SLC35H1: variants seen among roughly 807,000 people sequenced by gnomAD.
The protein encoded by SLC35H1 is solute carrier family 35 member H1, also known as ovarian cancer-overexpressed gene 1 protein.
chr20:46,350,091 GAGTC>G, the SLC35H1 span: 1 of 238,888 alleles, frequency 4.2e-6, no homozygotes, highest in African/African-American at 2.2e-5. Context: ...CCTTGGAAAT[GAGTC>G]TCGGCTGTCA....
chr20:46,355,940 A>G, the SLC35H1 span: 1 of 1,602,330 alleles, frequency 6.2e-7, no homozygotes, highest in South Asian at 1.1e-5. This position sits in a 1 kb window ranked among gnomAD's most constrained non-coding sequence, Gnocchi z 4.8. Flanking sequence ...CCGAGAAAGG[A>G]GCAGGAGCAC....
the SLC35H1 span, chr20:46,352,723 G>A: frequency 6.4e-6 from 1 of 157,192 alleles, no homozygotes; most frequent in East Asian, 1.9e-4. Flanking sequence ...ATCCTAGCGG[G>A]ATGAAGGAGA....
chr20:46,352,109 T>A, the SLC35H1 span: 1 of 1,614,104 alleles, frequency 6.2e-7, no homozygotes, highest in South Asian at 1.1e-5. Flanking sequence ...CAGGAGGAAC[T>A]CAGAGAAGCC....
chr20:46,352,176 G>A, the SLC35H1 span: 1 of 1,614,096 alleles, frequency 6.2e-7, no homozygotes, highest in Admixed American at 1.7e-5. Flanking sequence ...CGCAGGAGCA[G>A]CCCTGTGTCC....
chr20:46,346,177 A>G, the SLC35H1 span: 4 of 151,830 alleles, frequency 2.6e-5, no homozygotes, highest in African/African-American at 9.6e-5. Flanking sequence ...CGGCCCCACC[A>G]GCAGGATGGT....
chr20:46,351,975 G>C, the SLC35H1 span: 1 of 1,473,944 alleles, frequency 6.8e-7, no homozygotes, highest in Non-Finnish European at 9.3e-7. Flanking sequence ...GCAGGAGCTG[G>C]GACTGAAGCT....
the SLC35H1 span, chr20:46,357,867 G>C: frequency 8.5e-5 from 122 of 1,427,614 alleles, no homozygotes; most frequent in African/African-American, 1.7e-3. Flanking sequence ...CTGGAGTGGG[G>C]CTCATTCGGT....
At chr20:46,351,824 T>C in the SLC35H1 span, among the ~76,000 whole-genome samples, 1 of 152,192 alleles carries the variant, frequency 6.6e-6, no homozygotes, top group Non-Finnish European at 1.5e-5. Flanking sequence ...TCTCCATCTG[T>C]GTCCCTGTCT....
the SLC35H1 span, chr20:46,354,915 G>A: frequency 6.2e-7 from 1 of 1,612,956 alleles, no homozygotes; most frequent in Non-Finnish European, 8.5e-7. Flanking sequence ...AAGAGCCCCA[G>A]GAACATGAGT....
At chr20:46,364,092 G>C in the SLC35H1 span, 2 of 152,326 alleles carry the variant, frequency 1.3e-5, no homozygotes, top group East Asian at 3.8e-4. Flanking sequence ...TCAGAGGGCA[G>C]GGCCGTGTCC....
chr20:46,357,757 AG>A, the SLC35H1 span: 1 of 1,614,030 alleles, frequency 6.2e-7, no homozygotes, highest in Non-Finnish European at 8.5e-7. Flanking sequence ...CGTCATGAAG[AG>A]GGGGAAATGG....
chr20:46,360,647 C>A, the SLC35H1 span, among the ~76,000 whole-genome samples: 2 of 152,064 alleles, frequency 1.3e-5, no homozygotes, highest in Non-Finnish European at 1.5e-5. Flanking sequence ...CAGGTTCAAG[C>A]GATTCTCCTG....
At chr20:46,361,529 ACT>A in the SLC35H1 span, among the ~76,000 whole-genome samples, 2 of 151,930 alleles carry the variant, frequency 1.3e-5, no homozygotes, top group African/African-American at 4.8e-5. Flanking sequence ...CAAAACCCAC[ACT>A]GTTTCCTCTA....
the SLC35H1 span, among the ~76,000 whole-genome samples, chr20:46,360,724 A>G: frequency 1.6e-4 from 24 of 151,808 alleles, no homozygotes; most frequent in Admixed American, 2.6e-4. Flanking sequence ...AATTTTTTAT[A>G]TTTTTAGTAG....
the SLC35H1 span, chr20:46,363,148 A>G: frequency 1.3e-5 from 2 of 152,130 alleles, no homozygotes; most frequent in Non-Finnish European, 2.9e-5. Context: ...ACGATACCAC[A>G]TTCTCCTGGT....
At chr20:46,359,010 A>C in the SLC35H1 span, 10 of 517,400 alleles carry the variant, frequency 1.9e-5, no homozygotes, top group South Asian at 2.1e-4. Context: ...ACCCTTCAGC[A>C]GCTTCCAGTG....
At chr20:46,348,050 C>T in the SLC35H1 span, 93 of 152,224 alleles carry the variant, frequency 6.1e-4, no homozygotes, top group African/African-American at 2.1e-3. Flanking sequence ...GTGCAAGCAC[C>T]GCGTTGCCAT....
At chr20:46,352,143 C>T in the SLC35H1 span, 9 of 1,614,234 alleles carry the variant, frequency 5.6e-6, no homozygotes, top group Non-Finnish European at 6.8e-6. Context: ...AGAATCCCGC[C>T]AAGGAAGAGG....
chr20:46,352,458 C>A, the SLC35H1 span: 1 of 529,818 alleles, frequency 1.9e-6, no homozygotes. Context: ...GGGGGCAATA[C>A]AAGCCAGATC....
Sources: gnomAD v4.1 joint callset for allele counts (sites outside exome capture counted in the v4.1 genomes callset) on GRCh38, gnomAD v4.1.1 for gene constraint, Gnocchi (gnomAD v3.1) non-coding constraint, MANE v1.5 for transcripts, NCBI Gene and HGNC (gene_info 2026-07-23, HGNC 2026-07-21) for gene names.